Variants in WWC2 observed in about 807,000 individuals in gnomAD.
WWC2 encodes WW and C2 domain containing 2, also known as protein WWC2.
Under a neutral mutation model 138.5 loss-of-function variants are expected in WWC2, and 101 were observed. The ratio of observed to expected loss-of-function variants is 0.73; its 90% CI spans 0.62 to 0.86. The LOEUF (loss-of-function observed/expected upper bound fraction) is 0.86. WWC2 is among the 40% of genes least tolerant of loss of function. WWC2 has a pLI of 0.00. For missense variants in WWC2, 1,420 were observed against 1,419.4 expected (o/e 1.00, Z -0.01); for synonymous variants, 558 against 538.4 (o/e 1.04, Z -0.50).
At chr4:183,259,563 A>G in intron 9 of WWC2, 76 bp from the exon 10 acceptor site, 1 of 1,139,726 alleles carries the variant, frequency 8.8e-7, no homozygotes, top group Non-Finnish European at 1.2e-6. Context: ...TAATGTTTGT[A>G]CAATGAGAAT....
At position 183,265,640 on chromosome 4, in the gene WWC2, A is replaced by G. The variant is rs752132989; in HGVS notation, c.2040-48A>G. On this transcript the variant is annotated intron_variant, in intron 12 of 22. Coordinates refer to ENST00000403733, the MANE Select transcript of WWC2 (RefSeq NM_024949.6). Reference sequence around the variant, plus strand: ...AAGTGGCAAACTGTTAACCATAACAATCGATAACCCCATTAATTAACTGTT... The same window carrying G: ...AAGTGGCAAACTGTTAACCATAACAGTCGATAACCCCATTAATTAACTGTT... The G allele has an allele frequency of 2.6e-6, 4 of 1,547,106 alleles. No individual in the cohort carries two copies. In the South Asian group the frequency reaches 4.7e-5, roughly 18 times the overall value.
rs1302828864 is a variant in WWC2 at position 183,099,356 on chromosome 4, GC to G, written c.-132del. On this transcript the variant is annotated 5_prime_UTR_variant, in exon 1 of 23. Coordinates refer to ENST00000403733, the MANE Select transcript of WWC2 (RefSeq NM_024949.6). ...CACCTCCCGCGCGTGGTTCCGCCGC[GC>G]CCCGCGCCCTGCGCCCCTCAGCCCC... is the stretch of plus-strand genomic sequence containing the variant. 4 of 926,206 alleles carry G rather than the reference GC, an allele frequency of 4.3e-6. No homozygotes were observed. The highest frequency in any genetic ancestry group is 4.1e-6 in the Non-Finnish European group (3 of 735,982). 57.4% of individuals were successfully genotyped at this position (926,206 alleles called of 1,614,324 possible). A position where few individuals can be genotyped will look rare whatever the true frequency, so the allele number is the denominator to read the frequency against.
chr4:183,108,458 A>G (rs1178583821), intron 1 of WWC2, among the ~76,000 whole-genome samples: 5 of 152,162 alleles, frequency 3.3e-5, no homozygotes, highest in East Asian at 3.9e-4. Flanking sequence ...ATCCTCACCA[A>G]TAAGGAAAGT....
intron 14 of WWC2, among the ~76,000 whole-genome samples, chr4:183,266,482 A>C (rs1737509547): frequency 6.6e-6 from 1 of 152,202 alleles, no homozygotes. Flanking sequence ...TGATGACATA[A>C]TGCTACACAG....
chr4:183,124,136 C>T (rs945647397), intron 1 of WWC2, among the ~76,000 whole-genome samples: 2 of 152,172 alleles, frequency 1.3e-5, no homozygotes, highest in African/African-American at 4.8e-5. Context: ...GATACCCAAA[C>T]AGTTCCTGTT....
intron 10 of WWC2, 91 bp downstream of exon 10, chr4:183,259,819 C>G: frequency 1.1e-6 from 1 of 926,896 alleles, no homozygotes; most frequent in Non-Finnish European, 1.7e-6. Context: ...TTTCCAACTA[C>G]TTTAAATAAA....
chr4:183,123,070 G>A (rs577308241), intron 1 of WWC2, among the ~76,000 whole-genome samples: 2 of 152,264 alleles, frequency 1.3e-5, no homozygotes, highest in South Asian at 4.1e-4. Context: ...ATTGTTGATA[G>A]GAGTGTGAGT....
intron 4 of WWC2, among the ~76,000 whole-genome samples, chr4:183,212,091 G>A (rs1371286562): frequency 2.6e-5 from 4 of 152,198 alleles, no homozygotes; most frequent in Admixed American, 2.0e-4. Context: ...AAAGTGCTGG[G>A]ATTACAGGTG....
intron 1 of WWC2, among the ~76,000 whole-genome samples, chr4:183,152,043 G>A (rs1047026485): frequency 2.6e-5 from 4 of 152,190 alleles, no homozygotes; most frequent in East Asian, 3.8e-4. Context: ...CTGAAAGTGG[G>A]TGTGGAGAAA....
chr4:183,107,109 CTG>C (rs1385624298), intron 1 of WWC2, among the ~76,000 whole-genome samples: 1 of 152,076 alleles, frequency 6.6e-6, no homozygotes, highest in Non-Finnish European at 1.5e-5. Context: ...TCTCCTCTTT[CTG>C]TCTCTCTCTT....
intron 4 of WWC2, among the ~76,000 whole-genome samples, chr4:183,212,720 A>G (rs1003189044): frequency 6.6e-6 from 1 of 152,176 alleles, no homozygotes; most frequent in African/African-American, 2.4e-5. Flanking sequence ...ATATATTAGG[A>G]TATCTCATAA....
chr4:183,193,896 G>A (rs972876967), intron 2 of WWC2, among the ~76,000 whole-genome samples, 188 bp downstream of exon 2: 5 of 152,164 alleles, frequency 3.3e-5, no homozygotes, highest in African/African-American at 9.7e-5. Context: ...TTATGGGGGC[G>A]GAGAGGGAGA....
At chr4:183,185,176 G>A (rs954568040) in intron 1 of WWC2, among the ~76,000 whole-genome samples, 2 of 152,188 alleles carry the variant, frequency 1.3e-5, no homozygotes, top group African/African-American at 2.4e-5. Flanking sequence ...CCAACAGTCT[G>A]TGCTTTCATA....
chr4:183,170,788 C>T (rs1279927241), intron 1 of WWC2, among the ~76,000 whole-genome samples: 1 of 149,304 alleles, frequency 6.7e-6, no homozygotes, highest in East Asian at 1.9e-4. Flanking sequence ...ACCTTGAACT[C>T]CTCAAGTGAT....
intron 1 of WWC2, among the ~76,000 whole-genome samples, chr4:183,105,686 G>T (rs900893224): frequency 6.6e-6 from 1 of 152,102 alleles, no homozygotes; most frequent in Non-Finnish European, 1.5e-5. Context: ...GTCAGGAGAT[G>T]CAGACCATCC....
At chr4:183,128,704 A>ATGCT (rs1732835564) in intron 1 of WWC2, among the ~76,000 whole-genome samples, 1 of 152,186 alleles carries the variant, frequency 6.6e-6, no homozygotes, top group Non-Finnish European at 1.5e-5. Context: ...GGCCAGCGCA[A>ATGCT]TGCTTGACAT....
chr4:183,264,996 C>CA lies in WWC2; in HGVS notation c.1933dup (p.Arg645LysfsTer20). 1 of 1,612,008 alleles carries CA rather than the reference C, an allele frequency of 6.2e-7. No individual in the cohort carries two copies. Among genetic ancestry groups the CA allele is most frequent in the Non-Finnish European group, 8.5e-7 (1 of 1,178,852 alleles). ...TCCATAGATGTGGAAAAATCATTAC[C>CA]AAAAAGAAGAGTGATCCACTTGCTT... On this transcript the variant is annotated frameshift_variant, in exon 12 of 23. Coordinates refer to ENST00000403733, the MANE Select transcript of WWC2 (RefSeq NM_024949.6). LOFTEE classifies it high-confidence loss of function.
At chr4:183,266,186 T>A (rs1470527384) in intron 14 of WWC2, among the ~76,000 whole-genome samples, 1 of 152,228 alleles carries the variant, frequency 6.6e-6, no homozygotes, top group Non-Finnish European at 1.5e-5. Flanking sequence ...ACATTTAATC[T>A]CTTTTTTGTA....
intron 19 of WWC2, among the ~76,000 whole-genome samples, chr4:183,284,978 A>T (rs1344315710): frequency 6.6e-6 from 1 of 152,218 alleles, no homozygotes; most frequent in African/African-American, 2.4e-5. Context: ...TTTAAATTCT[A>T]AATTTATTCA....
Sources: gnomAD v4.1 joint callset for allele counts (sites outside exome capture counted in the v4.1 genomes callset) on GRCh38, gnomAD v4.1.1 for gene constraint, MANE v1.5 for transcripts, NCBI Gene and HGNC (gene_info 2026-07-23, HGNC 2026-07-21) for gene names.